WDR7: variants seen among roughly 807,000 people sequenced by gnomAD.
WDR7 encodes the protein WD repeat domain 7, also known as WD repeat-containing protein 7.
Under a neutral mutation model 169.4 loss-of-function variants are expected in WDR7, and 46 were observed. The ratio of observed to expected loss-of-function variants is 0.27; its 90% CI spans 0.21 to 0.35. The LOEUF (loss-of-function observed/expected upper bound fraction) is 0.35, where lower values mean the gene tolerates loss of function less well. Among genes scored for constraint, WDR7 ranks in the 10% least tolerant of loss-of-function variants. The probability of loss-of-function intolerance (pLI) is 1.00; values close to 1 mark genes in which losing one functional copy is unlikely to be tolerated. For synonymous variants in WDR7, 612 were observed against 666.8 expected (o/e 0.92, Z 1.27); for missense variants, 1,534 against 1,859.3 (o/e 0.83, Z 3.22).
chr18:56,734,742 C>T (rs897105778), intron 14 of WDR7, among the ~76,000 whole-genome samples: 1 of 151,852 alleles, frequency 6.6e-6, no homozygotes, highest in Non-Finnish European at 1.5e-5. Context: ...AACACTTTTC[C>T]CTTTGTATGG....
At chr18:56,880,454 T>C (rs760730036) in intron 21 of WDR7, among the ~76,000 whole-genome samples, 1 of 152,232 alleles carries the variant, frequency 6.6e-6, no homozygotes, top group Non-Finnish European at 1.5e-5. Flanking sequence ...GAAAGCTAGA[T>C]TCAAGTTAAA....
chr18:56,867,002 TTTAC>T (rs1278052132), intron 20 of WDR7, among the ~76,000 whole-genome samples: 1,529 of 149,776 alleles, frequency 0.01, 25 homozygotes, highest in African/African-American at 0.036. Context: ...AACAACTTTA[TTTAC>T]TTACTTATTT....
chr18:56,911,540 C>T (rs544925359), intron 21 of WDR7, among the ~76,000 whole-genome samples: 324 of 152,326 alleles, frequency 2.1e-3, no homozygotes, highest in Non-Finnish European at 3.5e-3. Context: ...ATTTCTCCTA[C>T]ACTTACTCTA....
At chr18:56,955,531 T>G (rs1238817648) in intron 25 of WDR7, among the ~76,000 whole-genome samples, 2 of 152,186 alleles carry the variant, frequency 1.3e-5, no homozygotes, top group East Asian at 3.9e-4. Flanking sequence ...TTTAAAATAT[T>G]CTGAGCATTC....
At chr18:56,705,380 T>G (rs1361454522) in intron 12 of WDR7, among the ~76,000 whole-genome samples, 3 of 151,926 alleles carry the variant, frequency 2.0e-5, no homozygotes, top group Admixed American at 1.3e-4. Context: ...ATAAATCTTA[T>G]GGAAAGGGGT....
At position 56,776,885 on chromosome 18, in the gene WDR7, C is replaced by T. The variant is rs1324380596; in HGVS notation, c.2947+5C>T. On this transcript the variant is annotated splice_donor_5th_base_variant and intron_variant, in intron 17 of 27. Transcript: ENST00000254442. ...CCTGTTTCTTAGTAAATGAAGGTAT[C>T]TCTCTCAACTTCTAACAACTTTCTC... 1.2e-6 allele frequency: 2 copies of T among 1,608,214 alleles called. No homozygotes were observed. The highest frequency in any genetic ancestry group is 1.3e-5 in the African/African-American group (1 of 74,928).
chr18:56,696,769 T>C (rs1022640732), intron 12 of WDR7, among the ~76,000 whole-genome samples: 6 of 152,230 alleles, frequency 3.9e-5, no homozygotes, highest in Non-Finnish European at 7.3e-5. Flanking sequence ...TTTTACATTT[T>C]AAAATAATTT....
intron 21 of WDR7, 127 bp from the exon 22 acceptor site, chr18:56,923,795 C>CT (rs1221215337): frequency 5.7e-6 from 5 of 876,740 alleles, no homozygotes; most frequent in Non-Finnish European, 8.3e-6. Context: ...CTTGTGTAGT[C>CT]TTGAGGTTCA....
At chr18:56,956,713 T>C (rs1297642455) in intron 25 of WDR7, among the ~76,000 whole-genome samples, 1 of 152,136 alleles carries the variant, frequency 6.6e-6, no homozygotes, top group African/African-American at 2.4e-5. Flanking sequence ...GAATACCTCA[T>C]AGGTATTTCC....
intron 21 of WDR7, among the ~76,000 whole-genome samples, chr18:56,902,834 A>G (rs1205039988): frequency 6.6e-6 from 1 of 152,224 alleles, no homozygotes; most frequent in Non-Finnish European, 1.5e-5. Flanking sequence ...TTACTGCAGC[A>G]GCATAAGGAA....
chr18:56,835,229 T>G (rs955414376), intron 20 of WDR7, among the ~76,000 whole-genome samples: 1 of 152,218 alleles, frequency 6.6e-6, no homozygotes, highest in East Asian at 1.9e-4. Context: ...TGTGCCTCCC[T>G]TGTCTTAAGA....
chr18:56,658,019 G>A (rs1006140861), intron 1 of WDR7, among the ~76,000 whole-genome samples: 4 of 152,074 alleles, frequency 2.6e-5, no homozygotes, highest in African/African-American at 9.7e-5. Flanking sequence ...GTCAGTTTAG[G>A]GGAGGGAAGA....
At chr18:56,804,021 C>T (rs1193494635) in intron 19 of WDR7, among the ~76,000 whole-genome samples, 1 of 152,174 alleles carries the variant, frequency 6.6e-6, no homozygotes, top group African/African-American at 2.4e-5. Context: ...AGGACTCGAA[C>T]TCCTGGCTGA....
intron 19 of WDR7, among the ~76,000 whole-genome samples, chr18:56,789,932 T>C (rs2044458953): frequency 6.6e-6 from 1 of 152,208 alleles, no homozygotes; most frequent in Non-Finnish European, 1.5e-5. Context: ...TAAAAAATGG[T>C]GTTCAAATGG....
intron 20 of WDR7, among the ~76,000 whole-genome samples, chr18:56,820,939 A>T (rs1003414478): frequency 6.6e-6 from 1 of 152,194 alleles, no homozygotes; most frequent in African/African-American, 2.4e-5. Context: ...CCTTTCATTC[A>T]AAAAAGTCTA....
chr18:56,804,075 C>T (rs940378205), intron 19 of WDR7, among the ~76,000 whole-genome samples: 1 of 152,222 alleles, frequency 6.6e-6, no homozygotes, highest in East Asian at 1.9e-4. Flanking sequence ...GGATTACAAA[C>T]GTGAGCCACC....
chr18:56,890,288 G>C (rs2046247427), intron 21 of WDR7, among the ~76,000 whole-genome samples: 1 of 152,082 alleles, frequency 6.6e-6, no homozygotes, highest in Non-Finnish European at 1.5e-5. Context: ...TTCTGGTGCT[G>C]TTTGGTTTTT....
At chr18:56,721,577 A>G (rs1008467997) in intron 13 of WDR7, 10 of 152,202 alleles carry the variant, frequency 6.6e-5, no homozygotes, top group African/African-American at 2.4e-4. Context: ...TTACGAAGTT[A>G]TTAAAGGTGG....
chr18:56,730,384 G>A (rs1490892072), intron 13 of WDR7, among the ~76,000 whole-genome samples: 1 of 152,206 alleles, frequency 6.6e-6, no homozygotes, highest in African/African-American at 2.4e-5. Context: ...AGGTGGTGAA[G>A]CTCACATTGG....
Sources: allele counts gnomAD v4.1 joint callset (sites outside exome capture counted in the v4.1 genomes callset), GRCh38; gene constraint gnomAD v4.1.1; transcripts MANE v1.5; gene names NCBI Gene and HGNC (gene_info 2026-07-23, HGNC 2026-07-21).